The following ABCA12 variants were observed in gnomAD, a reference collection of about 807,000 sequenced individuals.
ABCA12 encodes ATP binding cassette subfamily A member 12.
Under a neutral mutation model 293.5 loss-of-function variants are expected in ABCA12, and 156 were observed. The ratio of observed to expected loss-of-function variants is 0.53; its 90% confidence interval spans 0.47 to 0.61. The LOEUF (loss-of-function observed/expected upper bound fraction) is 0.61, where lower values mean the gene tolerates loss of function less well. Among genes scored for constraint, ABCA12 ranks in the 20% least tolerant of loss-of-function variants. The pLI is 0.00. For missense variants in ABCA12, 2,797 were observed against 3,090.2 expected (o/e 0.91, Z 2.25); for synonymous variants, 1,063 against 1,108.0 (o/e 0.96, Z 0.81).
chr2:215,025,986 A>T (rs1559153847), intron 10 of ABCA12, among the ~76,000 whole-genome samples: 1 of 152,230 alleles, frequency 6.6e-6, no homozygotes, highest in Non-Finnish European at 1.5e-5. Context: ...ATCAGCTTAG[A>T]GATAAAAATA....
Position 215,052,600 on chromosome 2 carries a change from G to C in ABCA12, c.410-16C>G. The C allele has an allele frequency of 6.3e-7, 1 of 1,593,520 alleles. No individual in the cohort carries two copies. On this transcript the variant is annotated splice_polypyrimidine_tract_variant and intron_variant, in intron 4 of 52. Transcript: ENST00000272895. ...AATACTGTGGCTGTAATCAAAGAAG[G>C]AACAGATTAGCATTCCACACACACA...
intron 1 of ABCA12, among the ~76,000 whole-genome samples, chr2:215,113,537 T>C (rs963748281): frequency 2.6e-5 from 4 of 152,192 alleles, no homozygotes; most frequent in Non-Finnish European, 5.9e-5. Context: ...GTGATGCTGA[T>C]GCAGCTGGTC....
intron 23 of ABCA12, among the ~76,000 whole-genome samples, chr2:214,996,970 A>C (rs530829927): frequency 6.6e-6 from 1 of 152,306 alleles, no homozygotes; most frequent in Non-Finnish European, 1.5e-5. Context: ...ATTATGGGAT[A>C]AGTAGATAAA....
At chr2:214,965,484 T>A (rs1455912666) in intron 39 of ABCA12, among the ~76,000 whole-genome samples, 2 of 152,184 alleles carry the variant, frequency 1.3e-5, no homozygotes, top group African/African-American at 4.8e-5. Context: ...CATCTGTCTC[T>A]CTGACAAAGG....
At chr2:214,987,513 T>C in intron 27 of ABCA12, 134 bp downstream of exon 27, 1 of 1,166,886 alleles carries the variant, frequency 8.6e-7, no homozygotes, top group South Asian at 1.6e-5. Flanking sequence ...CAAAGACGCA[T>C]GTGTAGACAT....
intron 2 of ABCA12, among the ~76,000 whole-genome samples, chr2:215,075,930 G>C (rs1450267438): frequency 6.6e-6 from 1 of 152,182 alleles, no homozygotes; most frequent in Non-Finnish European, 1.5e-5. Context: ...TAATTCAACA[G>C]ATGGTCTATT....
intron 25 of ABCA12, 36 bp from the exon 26 acceptor site, chr2:214,989,499 C>G: frequency 6.2e-7 from 1 of 1,613,834 alleles, no homozygotes; most frequent in South Asian, 1.1e-5. Flanking sequence ...TCTTCTGTGA[C>G]ACACAGCACA....
intron 7 of ABCA12, among the ~76,000 whole-genome samples, chr2:215,045,382 T>C (rs915685503): frequency 1.3e-5 from 2 of 152,186 alleles, no homozygotes; most frequent in African/African-American, 4.8e-5. Flanking sequence ...GAGGCCAACC[T>C]CTTTGAGGTG....
At chr2:214,986,287 T>A (rs1199787508) in intron 28 of ABCA12, among the ~76,000 whole-genome samples, 1 of 152,150 alleles carries the variant, frequency 6.6e-6, no homozygotes, top group Non-Finnish European at 1.5e-5. Flanking sequence ...TTTCCTATTA[T>A]CTAAGAGGTG....
chr2:215,120,051 G>A (rs1198875428), intron 1 of ABCA12, among the ~76,000 whole-genome samples: 1 of 152,020 alleles, frequency 6.6e-6, no homozygotes, highest in African/African-American at 2.4e-5. Flanking sequence ...AAGAAAATGT[G>A]GTACATATAC....
chr2:215,054,539 C>T, intron 4 of ABCA12, 34 bp downstream of exon 4: 6 of 1,529,108 alleles, frequency 3.9e-6, no homozygotes, highest in Non-Finnish European at 5.4e-6. Context: ...TTCCATAAGG[C>T]TTGTTCTGAA....
rs1338742744 is a variant in ABCA12, at chr2:215,025,705, A to G, written c.1255T>C (p.Phe419Leu). The change falls in exon 11 of 53, where the codon TTT becomes CTT. Residue 419 changes from phenylalanine (F) to leucine (L), a missense_variant. By Grantham distance (22) the Phe-to-Leu change is conservative. Transcript: ENST00000272895. ...FLRNGSYEDY[F>L]PPVPEVLKSK... ...TTTAGGACTTCAGGAACTGGAGGAA[A>G]GTAATCTTCATAGGAACCATTGCGA... The G allele has an allele frequency of 1.2e-6, 2 of 1,611,996 alleles. No homozygotes were observed. Among genetic ancestry groups the G allele is most frequent in the East Asian group, 4.5e-5 (2 of 44,744 alleles).
chr2:214,989,597 T>C lies in ABCA12; in HGVS notation c.3649A>G (p.Ser1217Gly). ...FMSLLSPTAF[S>G]YASQYIARYE... ...CGTGCAATGTATTGGCTTGCATAGC[T>C]GAATGCTGTTGGGGACAGCAGGCTC... The change falls in exon 25 of 53, where the codon AGC becomes GGC. Residue 1217 changes from serine (S) to glycine (G), a missense_variant. Around this residue, in one of 3 missense-constraint regions of ABCA12, gnomAD observed 2,130 missense variants for 2,427.0 expected, o/e 0.88. Coordinates refer to ENST00000272895, the MANE Select transcript of ABCA12 (RefSeq NM_173076.3). 5.0e-6 allele frequency: 8 copies of C among 1,614,082 alleles called. No homozygotes were observed. Among genetic ancestry groups the C allele is most frequent in the Non-Finnish European group, 5.9e-6 (7 of 1,179,970 alleles).
At position 214,995,901 on chromosome 2, in the gene ABCA12, C is replaced by CAG. The variant is rs144288891; in HGVS notation, c.3294+1792_3294+1793dup. ...GAATAATTGAGCTCCTCTGTTCTGG[C>CAG]AGAGAGAGAGAGAGCTACATTCTGG... On this transcript the variant is annotated intron_variant, in intron 23 of 52. Coordinates refer to ENST00000272895, the MANE Select transcript of ABCA12 (RefSeq NM_173076.3). 1.5e-3 allele frequency among the ~76,000 whole-genome samples: 229 copies of CAG among 151,096 alleles called. 1 individual carries two copies. In the East Asian group the frequency reaches 0.037, roughly 25 times the overall value.
chr2:215,105,106 G>A (rs1315631333), intron 2 of ABCA12, among the ~76,000 whole-genome samples: 1 of 152,050 alleles, frequency 6.6e-6, no homozygotes, highest in Non-Finnish European at 1.5e-5. Context: ...TTCCCTGTTA[G>A]GAACCATGCT....
intron 2 of ABCA12, among the ~76,000 whole-genome samples, chr2:215,076,031 T>C (rs1031745553): frequency 6.6e-6 from 1 of 152,242 alleles, no homozygotes; most frequent in African/African-American, 2.4e-5. Flanking sequence ...ATTCCATCTA[T>C]TTACAAATGA....
intron 23 of ABCA12, among the ~76,000 whole-genome samples, chr2:214,993,186 T>G (rs1012095808): frequency 6.6e-6 from 1 of 152,202 alleles, no homozygotes; most frequent in East Asian, 1.9e-4. Flanking sequence ...ACTTTCCCTC[T>G]TAACTTTGCC....
At chr2:215,069,536 CAAGTTA>C (rs1701697435) in intron 2 of ABCA12, among the ~76,000 whole-genome samples, 1 of 152,056 alleles carries the variant, frequency 6.6e-6, no homozygotes, top group African/African-American at 2.4e-5. Flanking sequence ...CTTGAAAAGA[CAAGTTA>C]AATTGTAAAT....
At chr2:215,082,146 G>A (rs770498010) in intron 2 of ABCA12, among the ~76,000 whole-genome samples, 3 of 140,878 alleles carry the variant, frequency 2.1e-5, no homozygotes, top group Non-Finnish European at 3.0e-5. Flanking sequence ...CTGGGTTCAC[G>A]CCATTCTCCT....
Sources: gnomAD v4.1 joint callset for allele counts (sites outside exome capture counted in the v4.1 genomes callset) on GRCh38, gnomAD v4.1.1 for gene constraint, gnomAD v4.1.1 regional missense constraint, MANE v1.5 for transcripts, NCBI Gene and HGNC (gene_info 2026-07-23, HGNC 2026-07-21) for gene names.